Variants in ILDR2 observed in about 807,000 individuals in gnomAD.
The protein encoded by ILDR2 is immunoglobulin-like domain-containing receptor 2.
Under a neutral mutation model 66.8 loss-of-function variants are expected in ILDR2, and 25 were observed. The observed-to-expected ratio is 0.37, with a 90% CI of 0.27 to 0.52. The LOEUF is 0.52. ILDR2 is among the 20% of genes least tolerant of loss of function. ILDR2 has a pLI of 0.88. For missense variants in ILDR2, 827 were observed against 876.8 expected (o/e 0.94, Z 0.72); for synonymous variants, 367 against 357.2 (o/e 1.03, Z -0.31).
intron 1 of ILDR2, among the ~76,000 whole-genome samples, chr1:166,964,351 G>A (rs1389293882): frequency 6.6e-6 from 1 of 152,136 alleles, no homozygotes; most frequent in African/African-American, 2.4e-5. Context: ...ACTACGCTAA[G>A]TTCTGGCAAA....
rs1184013183 is a variant in ILDR2 at position 166,936,045 on chromosome 1, C to A, written c.703+546G>T. Among the ~76,000 whole-genome samples, 1 of 152,126 alleles carries A rather than the reference C, an allele frequency of 6.6e-6. No homozygotes were observed. Among genetic ancestry groups the A allele is most frequent in the Non-Finnish European group, 1.5e-5 (1 of 68,032 alleles). ...TGTGTTTGGTTTATGGGAGGGGTAC[C>A]AAACTTAATGTCTATATGGGCTTGG... On this transcript the variant is annotated intron_variant, in intron 5 of 9. Coordinates refer to ENST00000271417, the MANE Select transcript of ILDR2 (RefSeq NM_199351.3). The surrounding 1 kb of genome is among the most constrained non-coding windows in gnomAD (Gnocchi z 5.0).
At chr1:166,952,211 G>A (rs373640918) in intron 3 of ILDR2, among the ~76,000 whole-genome samples, 20 of 152,162 alleles carry the variant, frequency 1.3e-4, no homozygotes, top group Non-Finnish European at 2.5e-4. Context: ...AAACAGTGGC[G>A]TGGTTCCAGA....
intron 3 of ILDR2, among the ~76,000 whole-genome samples, chr1:166,948,436 A>G (rs1009138117): frequency 1.3e-5 from 2 of 152,200 alleles, no homozygotes; most frequent in Non-Finnish European, 2.9e-5. Context: ...AGTGTTCTTC[A>G]GATCCCTCCA....
chr1:166,937,601 A>G (rs1308989979), intron 4 of ILDR2, among the ~76,000 whole-genome samples: 1 of 152,198 alleles, frequency 6.6e-6, no homozygotes, highest in Non-Finnish European at 1.5e-5. Context: ...TGTGAATTCC[A>G]TTTCATTTGC....
intron 1 of ILDR2, among the ~76,000 whole-genome samples, chr1:166,960,581 A>G (rs1662552031): frequency 6.6e-6 from 1 of 152,210 alleles, no homozygotes; most frequent in South Asian, 2.1e-4. Flanking sequence ...TGTGACCGGT[A>G]AAGAGTAGGT....
At chr1:166,973,142 C>T (rs993326815) in intron 1 of ILDR2, among the ~76,000 whole-genome samples, 2 of 152,098 alleles carry the variant, frequency 1.3e-5, no homozygotes, top group African/African-American at 2.4e-5. Context: ...AGCAAAGAAT[C>T]CCCAGCCATC....
intron 1 of ILDR2, among the ~76,000 whole-genome samples, chr1:166,971,399 G>A (rs1195323992): frequency 6.6e-6 from 1 of 152,234 alleles, no homozygotes; most frequent in Non-Finnish European, 1.5e-5. Flanking sequence ...TGCTCTCACA[G>A]CAGGGGTGTG....
chr1:166,934,868 T>C (rs1230979645), intron 6 of ILDR2, among the ~76,000 whole-genome samples: 1 of 152,244 alleles, frequency 6.6e-6, no homozygotes. Context: ...TGATTGTCTT[T>C]AGCATACTCT....
chr1:166,973,501 A>G (rs910528017), intron 1 of ILDR2, among the ~76,000 whole-genome samples: 1 of 151,898 alleles, frequency 6.6e-6, no homozygotes, highest in Admixed American at 6.6e-5. Flanking sequence ...TGAGCCATCT[A>G]AAGAGAGCTC....
intron 7 of ILDR2, among the ~76,000 whole-genome samples, chr1:166,925,960 T>C (rs908008713): frequency 1.3e-5 from 2 of 152,198 alleles, no homozygotes; most frequent in South Asian, 2.1e-4. Context: ...CATGACAACA[T>C]TGTTACAACT....
chr1:166,943,363 G>A (rs985768230), intron 3 of ILDR2, among the ~76,000 whole-genome samples: 1 of 151,918 alleles, frequency 6.6e-6, no homozygotes, highest in African/African-American at 2.4e-5. Flanking sequence ...GTGGTGGCGG[G>A]CGCCTGTAGT....
intron 3 of ILDR2, among the ~76,000 whole-genome samples, chr1:166,950,912 C>G (rs888779854): frequency 6.6e-6 from 1 of 152,132 alleles, no homozygotes; most frequent in African/African-American, 2.4e-5. Flanking sequence ...CCCAAATGAG[C>G]GCCTTACTCA....
chr1:166,945,901 G>GC (rs1407218037), intron 3 of ILDR2, among the ~76,000 whole-genome samples: 1 of 152,100 alleles, frequency 6.6e-6, no homozygotes, highest in Non-Finnish European at 1.5e-5. Flanking sequence ...TTCTTCCCCA[G>GC]CTCCGTGTGG....
rs1659619348 is a variant in ILDR2, at chr1:166,915,775, G to A, written c.*3580C>T. On this transcript the variant is annotated 3_prime_UTR_variant, in exon 10 of 10. Transcript: ENST00000271417. Reference sequence around the variant, plus strand: ...TCAGAAATATTTACAGATGTGGTCAGGTGCCTTGGGTTTGGGTGGCAGCCT... The same window carrying A: ...TCAGAAATATTTACAGATGTGGTCAAGTGCCTTGGGTTTGGGTGGCAGCCT... The A allele has an allele frequency of 1.3e-5, 2 of 152,206 alleles. No homozygotes were observed. The highest frequency in any genetic ancestry group is 4.8e-5 in the African/African-American group (2 of 41,432). 9.4% of individuals were successfully genotyped at this position (152,206 alleles called of 1,614,324 possible). A position where few individuals can be genotyped will look rare whatever the true frequency, so the allele number is the denominator to read the frequency against.
chr1:166,961,838 G>T (rs1194348052), intron 1 of ILDR2, among the ~76,000 whole-genome samples: 1 of 152,214 alleles, frequency 6.6e-6, no homozygotes, highest in Non-Finnish European at 1.5e-5. Flanking sequence ...AAGAATGCTA[G>T]AATACATCAT....
At chr1:166,926,960 T>A (rs1178409523) in intron 7 of ILDR2, 107 bp downstream of exon 7, 1 of 670,516 alleles carries the variant, frequency 1.5e-6, no homozygotes, top group Non-Finnish European at 2.5e-6. Context: ...CCCTGCTAAT[T>A]CTAAGCCTGC....
chr1:166,947,899 G>A (rs1661731011), intron 3 of ILDR2, among the ~76,000 whole-genome samples: 1 of 152,188 alleles, frequency 6.6e-6, no homozygotes, highest in Non-Finnish European at 1.5e-5. Flanking sequence ...GGGTGGCTGG[G>A]GGCTTAGGGA....
intron 3 of ILDR2, among the ~76,000 whole-genome samples, chr1:166,946,020 G>C (rs1438805887): frequency 6.6e-6 from 1 of 152,086 alleles, no homozygotes; most frequent in East Asian, 1.9e-4. Context: ...TCCACCCCCT[G>C]TTCTGTCATC....
rs768901740 is a variant in ILDR2 at position 166,921,288 on chromosome 1, C to T, written c.1303G>A (p.Asp435Asn). ...VSMDELAAFA[D>N]SYGQRPRRAD... is the part of the protein sequence containing the mutation. ...CGGCGGGGCCGCTGGCCGTAGGAGT[C>T]AGCGAAGGCCGCCAGCTCGTCCATG... Residue 435 changes from aspartate to asparagine, a missense_variant, in exon 9 of 10, where the codon GAC becomes AAC. Physicochemically the swap from Asp to Asn is conservative, Grantham distance 23. Around this residue, in one of 2 missense-constraint regions of ILDR2, gnomAD observed 390 missense variants for 353.6 expected, o/e 1.10. Coordinates refer to ENST00000271417, the MANE Select transcript of ILDR2 (RefSeq NM_199351.3). The surrounding 1 kb of genome is among the most constrained non-coding windows in gnomAD (Gnocchi z 5.3). 1 of 1,597,862 alleles carries T rather than the reference C, an allele frequency of 6.3e-7. No homozygotes were observed. Among genetic ancestry groups the T allele is most frequent in the South Asian group, 1.1e-5 (1 of 90,316 alleles).
Sources: allele counts gnomAD v4.1 joint callset (sites outside exome capture counted in the v4.1 genomes callset), GRCh38; gene constraint gnomAD v4.1.1; regional missense constraint gnomAD v4.1.1; non-coding constraint Gnocchi (gnomAD v3.1); transcripts MANE v1.5; gene names NCBI Gene and HGNC (gene_info 2026-07-23, HGNC 2026-07-21).